KCP: variants seen among roughly 807,000 people sequenced by gnomAD.
KCP encodes the protein kielin cysteine rich BMP regulator.
In KCP, 194 loss-of-function variants were observed where a neutral mutation model predicts 212.7. The observed-to-expected ratio is 0.91, with a 90% CI of 0.81 to 1.03. The LOEUF (loss-of-function observed/expected upper bound fraction) is 1.03. Ranked by LOEUF, KCP falls within the 50% of genes least tolerant of loss-of-function variation. The pLI, the probability that KCP is intolerant of heterozygous loss-of-function variation, is 0.00. For synonymous variants in KCP, 833 were observed against 865.3 expected, an observed-to-expected ratio of 0.96 and a Z score of 0.65; for missense variants, 2,080 against 2,162.5, an observed-to-expected ratio of 0.96 and a Z score of 0.76.
At chr7:128,880,230 G>A in intron 34 of KCP, 145 bp from the exon 35 acceptor site, 2 of 1,280,144 alleles carry the variant, frequency 1.6e-6, no homozygotes, top group Non-Finnish European at 2.1e-6. Flanking sequence ...TGAGGTCAGG[G>A]CACCACATCG....
At position 128,891,081 on chromosome 7, in the gene KCP, G is replaced by A; in HGVS notation, c.1988C>T (p.Ala663Val). The stretch of plus-strand genomic sequence containing the variant: ...GGCCGCGCCGGGCCGTGGGCAGCCG[G>A]CGGGGGCTGGGGCGGCTGCGGCGAG... ...CPQCPAAPAPAGCPRPGAAHA... is the reference protein window; with the variant it reads ...CPQCPAAPAPVGCPRPGAAHA... Residue 663 changes from alanine (A) to valine (V), a missense_variant, in exon 20 of 40, where the codon GCC (alanine) becomes GTC (valine). Ala to Val is a moderately conservative substitution (Grantham distance 64). Transcript: ENST00000610776. 1 of 1,420,464 alleles carries A rather than the reference G, an allele frequency of 7.0e-7. No individual in the cohort carries two copies. The highest frequency in any genetic ancestry group is 1.5e-5 in the South Asian group (1 of 66,280). The allele number at this position is 1,420,464 out of a possible 1,614,324, so 88.0% of individuals were successfully genotyped here.
chr7:128,910,395 C>T (rs1330909039), intron 1 of KCP, among the ~76,000 whole-genome samples: 3 of 152,272 alleles, frequency 2.0e-5, no homozygotes, highest in African/African-American at 7.2e-5. Flanking sequence ...AACCGCCCCC[C>T]TCTCCTGAAC....
chr7:128,877,883 G>T, intron 38 of KCP, 93 bp from the exon 39 acceptor site: 2 of 1,167,468 alleles, frequency 1.7e-6, no homozygotes, highest in Non-Finnish European at 2.4e-6. Context: ...CCAGTCATTT[G>T]CTTTAGTCCC....
chr7:128,878,840 T>C (rs1445278380), intron 37 of KCP, 118 bp from the exon 38 acceptor site: 1 of 1,018,514 alleles, frequency 9.8e-7, no homozygotes, highest in South Asian at 1.7e-5. Flanking sequence ...GGGAGGAGAA[T>C]GGACAGGTGG....
At chr7:128,900,629 C>T (rs933226704) in intron 8 of KCP, among the ~76,000 whole-genome samples, 3 of 152,214 alleles carry the variant, frequency 2.0e-5, no homozygotes, top group South Asian at 2.1e-4. Context: ...GCTTACTCAA[C>T]GTTTTCTTAA....
rs1304843241 is a variant in KCP at position 128,891,672 on chromosome 7, C to T, written c.1769G>A (p.Gly590Glu). The stretch of plus-strand genomic sequence containing the variant: ...GCTGCAGTCGTTCGGGCAGCAGGTC[C>T]CAGGCAGCGGGTGGGCACAGGGGGC... Reference protein sequence around the residue: ...PRAPCAHPLPGTCCPNDCSGC... With the variant: ...PRAPCAHPLPETCCPNDCSGC... Residue 590 changes from glycine to glutamate, a missense_variant, in exon 17 of 40, where the codon GGG becomes GAG. By Grantham distance (98) the Gly-to-Glu change is moderately conservative. Coordinates refer to ENST00000610776, the MANE Select transcript of KCP (RefSeq NM_001366122.1). 1.4e-6 allele frequency: 2 copies of T among 1,457,756 alleles called. No individual in the cohort carries two copies. Among genetic ancestry groups the T allele is most frequent in the Admixed American group, 5.3e-5 (2 of 37,602 alleles). 90.3% of individuals were successfully genotyped at this position (1,457,756 alleles called of 1,614,324 possible).
rs1200570113 is a variant in KCP, at chr7:128,877,112, G to A, written c.4818C>T (p.Val1606=). The change falls in exon 40 of 40, where the codon GTC becomes GTT. Residue 1606 remains valine, a synonymous_variant. Transcript: ENST00000610776. ...HCIPPEACPQ[V]LLTGDQPLGA... ...CAAGTGGCTGGTCTCCAGTGAGCAG[G>A]ACTTGGGGGCAGGCCTCGGGTGGGA... The A allele has an allele frequency of 2.2e-5, 33 of 1,514,898 alleles. No homozygotes were observed. Among genetic ancestry groups the A allele is most frequent in the African/African-American group, 2.8e-5 (2 of 70,810 alleles). The allele number at this position is 1,514,898 out of a possible 1,614,324, so 93.8% of individuals were successfully genotyped here.
chr7:128,879,825 G>A lies in KCP; in HGVS notation c.3937C>T (p.His1313Tyr). ...CGGCCCCGGTCATCATTGGTCACGTGCACACTGTGGGCAGGAAAGTCCCAG... is the reference window on the plus strand; with the variant it reads ...CGGCCCCGGTCATCATTGGTCACGTACACACTGTGGGCAGGAAAGTCCCAG... ...KDCHSGDFSVHVTNDDRGRSG... is the reference protein window; with the variant it reads ...KDCHSGDFSVYVTNDDRGRSG... The change falls in exon 36 of 40, where the codon CAC becomes TAC. Residue 1313 changes from histidine (H) to tyrosine (Y), a missense_variant. Transcript: ENST00000610776. 1 of 1,550,994 alleles carries A rather than the reference G, an allele frequency of 6.4e-7. No homozygotes were observed. The highest frequency in any genetic ancestry group is 8.7e-7 in the Non-Finnish European group (1 of 1,146,940).
intron 29 of KCP, among the ~76,000 whole-genome samples, chr7:128,883,519 GA>G (rs1224994165): frequency 2.0e-5 from 3 of 152,010 alleles, no homozygotes; most frequent in Non-Finnish European, 1.5e-5. Flanking sequence ...ACCAGAAACA[GA>G]AAAAAATTCC....
rs896760940 is a variant in KCP, at chr7:128,890,437, A to G, written c.2241T>C (p.Leu747=). 101 of 1,551,026 alleles carry G rather than the reference A, an allele frequency of 6.5e-5. No individual in the cohort carries two copies. The highest frequency in any genetic ancestry group is 8.5e-5 in the Non-Finnish European group (97 of 1,146,980). Residue 747 remains leucine, a synonymous_variant, in exon 21 of 40, where the codon CTT becomes CTC. Coordinates refer to ENST00000610776, the MANE Select transcript of KCP (RefSeq NM_001366122.1). ...CGCAGCTCACGCTGCCCTCCCAGCA[A>G]AGGCAGAGGTGGCAGGCAGCAGTGG... ...PSPTAACHLC[L]CWEGSVSCEP...
rs1440487054 is a variant in KCP at position 128,878,727 on chromosome 7, G to A, written c.4147-5C>T. The A allele has an allele frequency of 6.5e-7, 1 of 1,548,248 alleles. No homozygotes were observed. Among genetic ancestry groups the A allele is most frequent in the Non-Finnish European group, 8.7e-7 (1 of 1,146,748 alleles). On this transcript the variant is annotated splice_polypyrimidine_tract_variant and splice_region_variant and intron_variant, in intron 37 of 39. Transcript: ENST00000610776. ...GGACTGCCCATCCCACAGCACCTGT[G>A]TGGAGAGGCCTGAGACTGGGGAGCA...
At chr7:128,904,349 C>T (rs780961737) in intron 5 of KCP, 3 of 1,551,670 alleles carry the variant, frequency 1.9e-6, no homozygotes, top group East Asian at 2.4e-5. Context: ...GAGCTCTGAA[C>T]ACGAGGGCCC....
intron 20 of KCP, 72 bp downstream of exon 20, chr7:128,890,833 G>A: frequency 5.2e-6 from 6 of 1,154,326 alleles, no homozygotes; most frequent in Non-Finnish European, 6.7e-6. Context: ...GAAGGGGACT[G>A]GGCAGGGCGC....
At chr7:128,886,850 G>A in intron 24 of KCP, 26 bp downstream of exon 24, 2 of 1,449,824 alleles carry the variant, frequency 1.4e-6, no homozygotes, top group Admixed American at 2.0e-5. Flanking sequence ...AGGGCATGGG[G>A]GCCGCGCATG....
At chr7:128,906,192 T>A in intron 5 of KCP, 87 bp downstream of exon 5, 1 of 1,124,812 alleles carries the variant, frequency 8.9e-7, no homozygotes, top group Non-Finnish European at 1.3e-6. Flanking sequence ...CCCCTGGGCA[T>A]GTCCCAGACT....
rs199965771 is a variant in KCP at position 128,886,734 on chromosome 7, C to G, written c.2693G>C (p.Cys898Ser). Residue 898 changes from cysteine (C) to serine (S), a missense_variant, in exon 25 of 40, where the codon TGT (cysteine) becomes TCT (serine). Transcript: ENST00000610776. ...GPCFCPVCHS[C>S]LSQGREHQDG... Reference sequence around the variant, plus strand: ...CTGGTGCTCCCGGCCCTGAGAGAGACAGCCTGTGGGGGACACACCTCCTGG... The same window carrying G: ...CTGGTGCTCCCGGCCCTGAGAGAGAGAGCCTGTGGGGGACACACCTCCTGG... 6.4e-3 allele frequency: 9,950 copies of G among 1,551,542 alleles called. 53 individuals are homozygous for G. Among genetic ancestry groups the G allele is most frequent in the Non-Finnish European group, 6.8e-3 (7,818 of 1,146,882 alleles).
chr7:128,897,614 T>C (rs1372714980), intron 8 of KCP, among the ~76,000 whole-genome samples: 2 of 152,262 alleles, frequency 1.3e-5, no homozygotes, highest in Non-Finnish European at 2.9e-5. Flanking sequence ...TAAAGATTAT[T>C]GATAAAATAA....
chr7:128,882,102 G>T, intron 29 of KCP, 86 bp from the exon 30 acceptor site: 1 of 1,024,728 alleles, frequency 9.8e-7, no homozygotes, highest in South Asian at 1.5e-5. Context: ...TGTGTCCCCA[G>T]GTTTCTAACT....
In KCP at chr7:128,887,241, G is replaced by A. The variant is rs745632167; in HGVS notation, c.2572C>T (p.Pro858Ser). The A allele has an allele frequency of 4.5e-5, 70 of 1,551,376 alleles. No homozygotes were observed. The highest frequency in any genetic ancestry group is 3.7e-5 in the Non-Finnish European group (42 of 1,146,868). The change falls in exon 23 of 40, where the codon CCT becomes TCT. Residue 858 changes from proline (P) to serine (S), a missense_variant. Transcript: ENST00000610776. ...SGETLPDPLD[P>S]TCSLCTCQEG... Reference sequence around the variant, plus strand: ...TGGCAGGTGCAGAGGGAGCAGGTAGGGTCAAGTGGGTCAGGAAGGGTCTCT... The same window carrying A: ...TGGCAGGTGCAGAGGGAGCAGGTAGAGTCAAGTGGGTCAGGAAGGGTCTCT...
Sources: allele counts gnomAD v4.1 joint callset (sites outside exome capture counted in the v4.1 genomes callset), GRCh38; gene constraint gnomAD v4.1.1; transcripts MANE v1.5; gene names NCBI Gene and HGNC (gene_info 2026-07-23, HGNC 2026-07-21).